The following RGS18 variants were observed in gnomAD, a reference collection of about 807,000 sequenced individuals.
The protein encoded by RGS18 is regulator of G protein signaling 18, also known as regulator of G-protein signaling 18.
In RGS18, 22 loss-of-function variants were observed where a neutral mutation model predicts 27.6. The observed-to-expected ratio is 0.80, with a 90% confidence interval of 0.57 to 1.14. The LOEUF (loss-of-function observed/expected upper bound fraction) is 1.14, where lower values mean the gene tolerates loss of function less well. Among genes scored for constraint, RGS18 ranks in the 50% most tolerant of loss-of-function variants. The pLI, the probability that RGS18 is intolerant of heterozygous loss-of-function variation, is 0.00. For synonymous variants in RGS18, 89 were observed against 84.6 expected (o/e 1.05, Z -0.29); for missense variants, 299 against 269.6 (o/e 1.11, Z -0.76).
Position 192,184,715 on chromosome 1 carries a change from C to G in RGS18, c.*161C>G, listed in dbSNP as rs143343822. On this transcript the variant is annotated 3_prime_UTR_variant, in exon 5 of 5. Transcript: ENST00000367460. ...AAACTTTCTGCTAACAAAATACATACAGTATCTGCCAGTATATTCTGTAAA... is the reference window on the plus strand; with the variant it reads ...AAACTTTCTGCTAACAAAATACATAGAGTATCTGCCAGTATATTCTGTAAA... The G allele has an allele frequency of 6.5e-6, 4 of 614,976 alleles. No individual in the cohort carries two copies. Among genetic ancestry groups the G allele is most frequent in the Non-Finnish European group, 8.5e-6 (3 of 353,940 alleles). The allele number at this position is 614,976 out of a possible 1,614,324, so 38.1% of individuals were successfully genotyped here.
At position 192,172,339 on chromosome 1, in the gene RGS18, T is replaced by C. The variant is rs184491159; in HGVS notation, c.284-8953T>C. On this transcript the variant is annotated intron_variant, in intron 3 of 4. Transcript: ENST00000367460. ...ATGGATTCGTTCCCTCGAGAGTAGG[T>C]TCTTATGAAGCCAGGCTGCCCCTCG... Among the ~76,000 whole-genome samples, 11 of 151,952 alleles carry C rather than the reference T, an allele frequency of 7.2e-5. No homozygotes were observed. The East Asian group carries it at 1.9e-3, about 27-fold the overall frequency.
rs1386627141 is a variant in RGS18 at position 192,185,107 on chromosome 1, G to C, written c.*553G>C. On this transcript the variant is annotated 3_prime_UTR_variant, in exon 5 of 5. Transcript: ENST00000367460. ...CCCAAGAATAGTAATATCACCTCTA[G>C]TTATAAGCCAGCAACAGGAACTTTT... 6.6e-6 allele frequency: 1 copy of C among 152,430 alleles called. No individual in the cohort carries two copies. The highest frequency in any genetic ancestry group is 6.5e-5 in the Admixed American group (1 of 15,334). 9.4% of individuals were successfully genotyped at this position (152,430 alleles called of 1,614,324 possible). A position where few individuals can be genotyped will look rare whatever the true frequency, so the allele number is the denominator to read the frequency against.
chr1:192,163,103 G>A (rs959033633), intron 3 of RGS18, among the ~76,000 whole-genome samples: 5 of 152,174 alleles, frequency 3.3e-5, no homozygotes, highest in East Asian at 1.9e-4. Flanking sequence ...CAGCTTCCTC[G>A]ACTGTAAATG....
At chr1:192,159,720 C>G (rs542435461) in intron 2 of RGS18, among the ~76,000 whole-genome samples, 2 of 151,992 alleles carry the variant, frequency 1.3e-5, no homozygotes, top group African/African-American at 4.8e-5. Context: ...CAAATAATGT[C>G]TTTTAATACT....
intron 2 of RGS18, among the ~76,000 whole-genome samples, 163 bp downstream of exon 2, chr1:192,159,484 A>G (rs893241718): frequency 1.3e-5 from 2 of 152,228 alleles, no homozygotes; most frequent in Non-Finnish European, 2.9e-5. Context: ...ATAAAATTAA[A>G]TCACTTGAAT....
rs928493558 is a variant in RGS18 at position 192,159,433 on chromosome 1, GGAAAGTTA to G, written c.221+117_221+124del. 11 of 671,556 alleles carry G rather than the reference GGAAAGTTA, an allele frequency of 1.6e-5. No individual in the cohort carries two copies. The Admixed American group carries it at 2.8e-4, about 17-fold the overall frequency. The allele number at this position is 671,556 out of a possible 1,614,324, so 41.6% of individuals were successfully genotyped here. ...TATTGAAAATTACACAGCAATATAAGGAAAGTTAGAAATTTCATTTGAAGAGACTAGAA... is the reference window on the plus strand; with the variant it reads ...TATTGAAAATTACACAGCAATATAAGGAAATTTCATTTGAAGAGACTAGAA... On this transcript the variant is annotated intron_variant, in intron 2 of 4. Transcript: ENST00000367460.
At chr1:192,167,110 A>AC (rs1656175541) in intron 3 of RGS18, among the ~76,000 whole-genome samples, 1 of 152,164 alleles carries the variant, frequency 6.6e-6, no homozygotes, top group Non-Finnish European at 1.5e-5. Context: ...GGTTCTAAGT[A>AC]ACTTCTGAAA....
At chr1:192,181,748 A>G (rs773333724) in intron 4 of RGS18, among the ~76,000 whole-genome samples, 1 of 151,566 alleles carries the variant, frequency 6.6e-6, no homozygotes, top group Non-Finnish European at 1.5e-5. Context: ...TATACCATGT[A>G]TTATTATTCA....
rs147429998 is a variant in RGS18 at position 192,185,771 on chromosome 1, C to T, written c.*1217C>T. The stretch of plus-strand genomic sequence containing the variant: ...TTGTAGTAATAAATATTTTTAACTT[C>T]ATTCATACAGTTAAGTTTATCTGAC... On this transcript the variant is annotated 3_prime_UTR_variant, in exon 5 of 5. Transcript: ENST00000367460. 1 of 151,652 alleles carries T rather than the reference C, an allele frequency of 6.6e-6. No individual in the cohort carries two copies. Among genetic ancestry groups the T allele is most frequent in the East Asian group, 1.9e-4 (1 of 5,130 alleles). The allele number at this position is 151,652 out of a possible 1,614,324, so 9.4% of individuals were successfully genotyped here. A position where few individuals can be genotyped will look rare whatever the true frequency, so the allele number is the denominator to read the frequency against.
chr1:192,173,655 T>C (rs1020334044), intron 3 of RGS18, among the ~76,000 whole-genome samples: 1 of 151,898 alleles, frequency 6.6e-6, no homozygotes, highest in South Asian at 2.1e-4. Flanking sequence ...CTTCTTCAAG[T>C]GTCAGTTTGG....
rs368444983 is a variant in RGS18 at position 192,159,253 on chromosome 1, T to C, written c.153T>C (p.Leu51=). 2.5e-6 allele frequency: 4 copies of C among 1,613,780 alleles called. No individual in the cohort carries two copies. The highest frequency in any genetic ancestry group is 2.2e-5 in the South Asian group (2 of 91,054). ...AAAAAAGAAATAGACTAAGTCTTCT[T>C]GTGCAGAAACCTGAGTTTCATGAAG... ...AKEKRNRLSL[L]VQKPEFHEDT... is the part of the protein sequence containing the mutation. Residue 51 remains leucine, a synonymous_variant, in exon 2 of 5, where the codon CTT becomes CTC. Transcript: ENST00000367460.
At chr1:192,165,463 C>T (rs543195666) in intron 3 of RGS18, among the ~76,000 whole-genome samples, 73 of 152,260 alleles carry the variant, frequency 4.8e-4, no homozygotes, top group African/African-American at 1.6e-3. Flanking sequence ...TGTTCGTACA[C>T]TCCCTCCCCT....
chr1:192,184,385 T>C lies in RGS18; in HGVS notation c.539T>C (p.Val180Ala), dbSNP rs1050638032. The change falls in exon 5 of 5, where the codon GTG becomes GCG. Residue 180 changes from valine to alanine, a missense_variant. Transcript: ENST00000367460. The part of the protein sequence containing the change: ...LHSFDAAQSR[V>A]YQLMEQDSYT... ...AGTTTTGATGCTGCACAAAGCAGAG[T>C]GTATCAGCTCATGGAACAAGACAGT... The C allele has an allele frequency of 2.3e-5, 37 of 1,611,662 alleles. No homozygotes were observed. The highest frequency in any genetic ancestry group is 3.1e-5 in the Non-Finnish European group (37 of 1,178,622).
intron 4 of RGS18, among the ~76,000 whole-genome samples, chr1:192,182,261 C>A (rs1305480639): frequency 6.6e-6 from 1 of 151,468 alleles, no homozygotes; most frequent in East Asian, 1.9e-4. Flanking sequence ...TTTGAGGAAC[C>A]CTTATACTAT....
intron 4 of RGS18, 117 bp from the exon 5 acceptor site, chr1:192,184,180 A>G: frequency 2.3e-6 from 2 of 879,434 alleles, no homozygotes; most frequent in South Asian, 1.7e-5. Flanking sequence ...CATCCAAACT[A>G]TATCTGCTTC....
chr1:192,160,478 G>A, intron 3 of RGS18, 39 bp downstream of exon 3: 2 of 1,435,580 alleles, frequency 1.4e-6, no homozygotes, highest in Non-Finnish European at 2.0e-6. Flanking sequence ...TGTGCTTAAT[G>A]GAAAATTACA....
chr1:192,175,325 AT>A (rs56823855), intron 3 of RGS18, among the ~76,000 whole-genome samples: 145,621 of 151,188 alleles, frequency 0.96, 70,359 homozygotes, highest in Middle Eastern at 1. Flanking sequence ...TATATCACTA[AT>A]TTTTTTTTTG....
chr1:192,162,110 AC>A (rs896591159), intron 3 of RGS18, among the ~76,000 whole-genome samples: 2 of 152,194 alleles, frequency 1.3e-5, no homozygotes, highest in Non-Finnish European at 2.9e-5. Context: ...GTTTGTGCTG[AC>A]AAAGTTTAAC....
intron 3 of RGS18, among the ~76,000 whole-genome samples, chr1:192,175,035 G>T (rs1168660758): frequency 6.6e-6 from 1 of 151,648 alleles, no homozygotes; most frequent in African/African-American, 2.4e-5. Context: ...CTGTCTGCTA[G>T]CATATCCATC....
Sources: gnomAD v4.1 joint callset for allele counts (sites outside exome capture counted in the v4.1 genomes callset) on GRCh38, gnomAD v4.1.1 for gene constraint, MANE v1.5 for transcripts, NCBI Gene and HGNC (gene_info 2026-07-23, HGNC 2026-07-21) for gene names.